Variants in PCDHGA1 observed in about 807,000 individuals in gnomAD.
PCDHGA1 encodes protocadherin gamma subfamily A, 1.
PCDHGA1 carries 32 observed loss-of-function variants against 58.0 expected under a neutral mutation model. The ratio of observed to expected loss-of-function variants is 0.55; its 90% CI spans 0.42 to 0.74. The LOEUF (loss-of-function observed/expected upper bound fraction) is 0.74. PCDHGA1 is among the 30% of genes least tolerant of loss of function. PCDHGA1 has a pLI of 0.00. For missense variants in PCDHGA1, 1,205 were observed against 1,182.3 expected, an observed-to-expected ratio of 1.02 and a Z score of -0.28; for synonymous variants, 498 against 501.1, an observed-to-expected ratio of 0.99 and a Z score of 0.08.
At chr5:141,360,760 C>T (rs1420224824) in intron 1 of PCDHGA1, 2 of 1,613,820 alleles carry the variant, frequency 1.2e-6, no homozygotes, top group East Asian at 4.5e-5. Context: ...CAGTTTACAT[C>T]AATTGGTCCT....
In PCDHGA1 at chr5:141,477,625, C is replaced by T; in HGVS notation, c.2422-17182C>T. ...TTCTCTTGGAGCAAGGAGCTGAAACCGGGCTAGTGGGTCGCTATTTCACAA... is the reference window on the plus strand; with the variant it reads ...TTCTCTTGGAGCAAGGAGCTGAAACTGGGCTAGTGGGTCGCTATTTCACAA... On this transcript the variant is annotated intron_variant, in intron 1 of 3. Coordinates refer to ENST00000517417, the MANE Select transcript of PCDHGA1 (RefSeq NM_018912.3). This position sits in a 1 kb window ranked among gnomAD's most constrained non-coding sequence, Gnocchi z 4.9. The T allele has an allele frequency of 1.2e-6, 2 of 1,614,200 alleles. No homozygotes were observed. Among genetic ancestry groups the T allele is most frequent in the Non-Finnish European group, 1.7e-6 (2 of 1,180,046 alleles).
At chr5:141,375,529 C>G (rs370346410) in intron 1 of PCDHGA1, 1 of 1,614,026 alleles carries the variant, frequency 6.2e-7, no homozygotes, top group African/African-American at 1.3e-5. Context: ...CTGACGTGGA[C>G]CAGAACGCCC....
chr5:141,383,611 C>A lies in PCDHGA1; in HGVS notation c.2421+50506C>A, dbSNP rs757490099. ...GGTGACAGTGGTGGATGTGAATGAC[C>A]ACACGCCTGTCTTCTCTCTGCCTCA... On this transcript the variant is annotated intron_variant, in intron 1 of 3. Coordinates refer to ENST00000517417, the MANE Select transcript of PCDHGA1 (RefSeq NM_018912.3). 8 of 1,613,656 alleles carry A rather than the reference C, an allele frequency of 5.0e-6. No individual in the cohort carries two copies. The Admixed American group carries it at 1.3e-4, about 27-fold the overall frequency.
chr5:141,356,828 G>A, intron 1 of PCDHGA1: 1 of 1,614,146 alleles, frequency 6.2e-7, no homozygotes, highest in South Asian at 1.1e-5. Context: ...CCTCCACTCA[G>A]CAGCAATGTG....
chr5:141,504,949 G>A (rs1234166109), intron 2 of PCDHGA1, among the ~76,000 whole-genome samples: 5 of 152,098 alleles, frequency 3.3e-5, no homozygotes, highest in Non-Finnish European at 1.5e-5. Context: ...AATGCACTAT[G>A]TTCAATGCAT....
At chr5:141,390,523 G>A in intron 1 of PCDHGA1, 1 of 556,304 alleles carries the variant, frequency 1.8e-6, no homozygotes, top group Non-Finnish European at 3.1e-6. Context: ...AGCAATGAGG[G>A]TGTGGTTTTA....
intron 1 of PCDHGA1, chr5:141,373,990 G>A: frequency 8.2e-7 from 1 of 1,221,932 alleles, no homozygotes; most frequent in East Asian, 2.8e-5. Flanking sequence ...TCTGCTTGTT[G>A]AAGGACCTTC....
intron 1 of PCDHGA1, chr5:141,350,503 G>A: frequency 6.2e-7 from 1 of 1,614,074 alleles, no homozygotes; most frequent in Non-Finnish European, 8.5e-7. Flanking sequence ...GCGGGGATTT[G>A]TTAGTGAACG....
chr5:141,500,084 C>T (rs1354544132), intron 2 of PCDHGA1, among the ~76,000 whole-genome samples: 1 of 152,030 alleles, frequency 6.6e-6, no homozygotes, highest in Non-Finnish European at 1.5e-5. Flanking sequence ...CCTCCATCTT[C>T]CATTTTTGCA....
At chr5:141,339,750 G>T in intron 1 of PCDHGA1, 7 of 1,614,072 alleles carry the variant, frequency 4.3e-6, no homozygotes, top group Non-Finnish European at 5.9e-6. Context: ...GTGGGCACCC[G>T]GATACTCACG....
At chr5:141,363,387 G>A (rs1302149411) in intron 1 of PCDHGA1, among the ~76,000 whole-genome samples, 2 of 151,916 alleles carry the variant, frequency 1.3e-5, no homozygotes, top group African/African-American at 4.8e-5. Flanking sequence ...TTCTATTTCT[G>A]TTGTCATATA....
intron 1 of PCDHGA1, chr5:141,372,934 G>A (rs1469163224): frequency 3.5e-6 from 3 of 866,562 alleles, no homozygotes; most frequent in Non-Finnish European, 5.1e-6. Flanking sequence ...CTGGTGTAGA[G>A]TAGGGTGTCT....
intron 1 of PCDHGA1, chr5:141,413,176 A>T: frequency 6.2e-7 from 1 of 1,601,892 alleles, no homozygotes; most frequent in Non-Finnish European, 8.5e-7. Context: ...CCAGACTACA[A>T]TGGCCGCTCA....
chr5:141,371,348 G>T (rs1767688523), intron 1 of PCDHGA1: 4 of 1,613,932 alleles, frequency 2.5e-6, no homozygotes, highest in Middle Eastern at 3.3e-4. Flanking sequence ...ACACAATTGG[G>T]GTGGAAGCAA....
At chr5:141,478,412 TC>T in intron 1 of PCDHGA1, 2 of 1,611,958 alleles carry the variant, frequency 1.2e-6, no homozygotes, top group Non-Finnish European at 1.7e-6. Flanking sequence ...CACCACGGAC[TC>T]CCGCCGCAGC....
chr5:141,429,672 A>G (rs1036863132), intron 1 of PCDHGA1, among the ~76,000 whole-genome samples: 1 of 152,210 alleles, frequency 6.6e-6, no homozygotes, highest in African/African-American at 2.4e-5. Context: ...ATATTATTTT[A>G]TTTTATGCCT....
At chr5:141,438,571 TATACATACATAC>T (rs1212381177) in intron 1 of PCDHGA1, among the ~76,000 whole-genome samples, 4 of 94,544 alleles carry the variant, frequency 4.2e-5, no homozygotes, top group African/African-American at 9.7e-5. Context: ...AGCTGTCTGA[TATACATACATAC>T]ATACATACAT....
At chr5:141,427,952 T>C (rs1311471634) in intron 1 of PCDHGA1, 38 of 1,587,018 alleles carry the variant, frequency 2.4e-5, no homozygotes, top group Non-Finnish European at 2.8e-5. Flanking sequence ...TCAATGACAA[T>C]GTGCCGCGGG....
chr5:141,434,820 G>A (rs953824837), intron 1 of PCDHGA1, among the ~76,000 whole-genome samples: 1 of 151,302 alleles, frequency 6.6e-6, no homozygotes, highest in Admixed American at 6.6e-5. Flanking sequence ...ATATCCCTTA[G>A]TACACTTGGC....
Sources: gnomAD v4.1 joint callset for allele counts (sites outside exome capture counted in the v4.1 genomes callset) on GRCh38, gnomAD v4.1.1 for gene constraint, Gnocchi (gnomAD v3.1) non-coding constraint, MANE v1.5 for transcripts, NCBI Gene and HGNC (gene_info 2026-07-23, HGNC 2026-07-21) for gene names.